The following MINAR1 variants were observed in gnomAD, a reference collection of about 807,000 sequenced individuals.
MINAR1 encodes membrane integral NOTCH2 associated receptor 1.
MINAR1 carries 40 observed loss-of-function variants against 65.1 expected under a neutral mutation model. The observed-to-expected ratio is 0.61, with a 90% CI of 0.48 to 0.80. The LOEUF is 0.80. MINAR1 is among the 30% of genes least tolerant of loss of function. The pLI is 0.00. For synonymous variants in MINAR1, 482 were observed against 449.1 expected, an observed-to-expected ratio of 1.07 and a Z score of -0.93; for missense variants, 1,128 against 1,148.0, an observed-to-expected ratio of 0.98 and a Z score of 0.25.
intron 1 of MINAR1, among the ~76,000 whole-genome samples, chr15:79,452,885 G>A (rs998140373): frequency 2.0e-5 from 3 of 151,274 alleles, no homozygotes; most frequent in African/African-American, 4.9e-5. Context: ...CTGTGTGAGT[G>A]TGTGTAGGTG....
chr15:79,462,824 G>T (rs1247344517), intron 2 of MINAR1, among the ~76,000 whole-genome samples: 7 of 152,154 alleles, frequency 4.6e-5, no homozygotes, highest in African/African-American at 9.7e-5. Context: ...ATGGCCTAAA[G>T]ATTACATTAA....
chr15:79,456,464 C>T lies in MINAR1; in HGVS notation c.317C>T (p.Pro106Leu). ...GGCGGGGCTGCCAAGGAGAAGCTGC[C>T]CACGGGCCGCCAGAAGGTACGCAAG... ...MNGGAAKEKL[P>L]TGRQKVRKKE... The change falls in exon 2 of 4, where the codon CCC becomes CTC. Residue 106 changes from proline to leucine, a missense_variant. Pro to Leu is a moderately conservative substitution (Grantham distance 98, BLOSUM62 -3). Transcript: ENST00000305428. The T allele has an allele frequency of 3.7e-6, 6 of 1,614,102 alleles. No homozygotes were observed. The highest frequency in any genetic ancestry group is 1.1e-5 in the South Asian group (1 of 91,090).
intron 3 of MINAR1, among the ~76,000 whole-genome samples, chr15:79,467,216 T>C (rs750188492): frequency 3.3e-5 from 5 of 152,238 alleles, no homozygotes; most frequent in Non-Finnish European, 7.3e-5. Flanking sequence ...TGTTTGTATA[T>C]GTGTATGAAT....
Position 79,458,192 on chromosome 15 carries a change from G to C in MINAR1, c.2045G>C (p.Cys682Ser). 1 of 1,614,126 alleles carries C rather than the reference G, an allele frequency of 6.2e-7. No homozygotes were observed. The change falls in exon 2 of 4, where the codon TGC becomes TCC. Residue 682 changes from cysteine to serine, a missense_variant. By Grantham distance (112) the Cys-to-Ser change is moderately radical (BLOSUM62 -1). Transcript: ENST00000305428. ...AAACTAGAGAACAACCCTGACTGGT[G>C]CTGCTCTGATGCTAGCGGGAGCAAC... ...GPKLENNPDW[C>S]CSDASGSNSE...
chr15:79,467,587 G>A (rs1435175262), intron 3 of MINAR1, among the ~76,000 whole-genome samples: 1 of 152,212 alleles, frequency 6.6e-6, no homozygotes, highest in African/African-American at 2.4e-5. Flanking sequence ...CAGGTCTAGG[G>A]TGGGAACAGT....
chr15:79,459,539 A>G (rs567701544), intron 2 of MINAR1, among the ~76,000 whole-genome samples: 8 of 152,148 alleles, frequency 5.3e-5, no homozygotes, highest in Non-Finnish European at 1.0e-4. Flanking sequence ...CCTGCTTCTA[A>G]AAGGTCAGTG....
chr15:79,427,631 A>G (rs1055326149), upstream of MINAR1, among the ~76,000 whole-genome samples: 5 of 152,224 alleles, frequency 3.3e-5, no homozygotes, highest in Admixed American at 1.3e-4. Context: ...AACAGATATT[A>G]TATCAAAAAG....
intron 3 of MINAR1, among the ~76,000 whole-genome samples, chr15:79,465,730 G>A (rs990047624): frequency 6.6e-6 from 1 of 152,036 alleles, no homozygotes; most frequent in Admixed American, 6.5e-5. Context: ...CCCATAGTGT[G>A]CTGAGCCTGA....
intron 1 of MINAR1, among the ~76,000 whole-genome samples, chr15:79,446,917 C>T (rs1377652344): frequency 1.3e-5 from 2 of 152,098 alleles, no homozygotes; most frequent in African/African-American, 4.8e-5. Context: ...GACAGAGTCT[C>T]ACTCTGTCAC....
At chr15:79,452,218 AGAGT>A (rs1050064939) in intron 1 of MINAR1, among the ~76,000 whole-genome samples, 8 of 150,594 alleles carry the variant, frequency 5.3e-5, no homozygotes, top group African/African-American at 9.8e-5. Context: ...TGTGTGCTTG[AGAGT>A]GTGTATGAAT....
At chr15:79,445,539 C>G (rs1894988250) in intron 1 of MINAR1, among the ~76,000 whole-genome samples, 1 of 140,210 alleles carries the variant, frequency 7.1e-6, no homozygotes, top group Non-Finnish European at 1.5e-5. Flanking sequence ...TTAAATCTTT[C>G]TGTGACAGTT....
rs11634652 is a variant in MINAR1, at chr15:79,457,105, G to A, written c.958G>A (p.Val320Ile). The A allele has an allele frequency of 1.2e-6, 2 of 1,613,934 alleles. No individual in the cohort carries two copies. Among genetic ancestry groups the A allele is most frequent in the Non-Finnish European group, 8.5e-7 (1 of 1,180,004 alleles). The part of the protein sequence containing the change: ...SQYLNPVYSP[V>I]PDKRRAKHES... ...GTACCTGAATCCAGTGTATTCCCCGGTTCCTGACAAAAGGCGAGCAAAGCA... is the reference window on the plus strand; with the variant it reads ...GTACCTGAATCCAGTGTATTCCCCGATTCCTGACAAAAGGCGAGCAAAGCA... Residue 320 changes from valine to isoleucine, a missense_variant, in exon 2 of 4, where the codon GTT (valine) becomes ATT (isoleucine). By Grantham distance (29) the Val-to-Ile change is conservative. Transcript: ENST00000305428.
In MINAR1 at chr15:79,432,436, T is replaced by C. The variant is rs557520076; in HGVS notation, c.-155T>C. ...CCGGGTGACAGTGACCAGCTGACTCTGGAGCCTACCGGAGGCGCGGCATCG... is the reference window on the plus strand; with the variant it reads ...CCGGGTGACAGTGACCAGCTGACTCCGGAGCCTACCGGAGGCGCGGCATCG... On this transcript the variant is annotated 5_prime_UTR_variant, in exon 1 of 4. Coordinates refer to ENST00000305428, the MANE Select transcript of MINAR1 (RefSeq NM_015206.3). 2.1e-4 allele frequency: 32 copies of C among 152,410 alleles called. No individual in the cohort carries two copies. The highest frequency in any genetic ancestry group is 7.5e-4 in the African/African-American group (31 of 41,568). 9.4% of individuals were successfully genotyped at this position (152,410 alleles called of 1,614,324 possible).
chr15:79,423,278 G>A, the MINAR1 span: 1 of 152,138 alleles, frequency 6.6e-6, no homozygotes, highest in African/African-American at 2.4e-5. Flanking sequence ...AAATTAACAT[G>A]TAAGATAATG....
At chr15:79,458,773 GAT>G (rs1279916640) in intron 2 of MINAR1, among the ~76,000 whole-genome samples, 2 of 152,180 alleles carry the variant, frequency 1.3e-5, no homozygotes, top group Non-Finnish European at 2.9e-5. Context: ...CATCACCAAG[GAT>G]ATCTTCCTGT....
chr15:79,452,329 G>T (rs1895236647), intron 1 of MINAR1, among the ~76,000 whole-genome samples: 1 of 151,890 alleles, frequency 6.6e-6, no homozygotes, highest in Non-Finnish European at 1.5e-5. Flanking sequence ...TGTGTGTCTG[G>T]ATGAGTGTGA....
Position 79,458,233 on chromosome 15 carries a change from G to A in MINAR1, c.2086G>A (p.Val696Ile). 5.0e-6 allele frequency: 8 copies of A among 1,614,094 alleles called. No individual in the cohort carries two copies. The highest frequency in any genetic ancestry group is 6.8e-6 in the Non-Finnish European group (8 of 1,180,034). Reference protein sequence around the residue: ...ASGSNSESLRVKALKKSLFTR... With the variant: ...ASGSNSESLRIKALKKSLFTR... ...CGGGAGCAACAGTGAAAGCCTGCGG[G>A]TCAAGGCCTTAAAAAAAAGCCTCTT... The change falls in exon 2 of 4, where the codon GTC becomes ATC. Residue 696 changes from valine (V) to isoleucine (I), a missense_variant. Coordinates refer to ENST00000305428, the MANE Select transcript of MINAR1 (RefSeq NM_015206.3).
At position 79,469,568 on chromosome 15, in the gene MINAR1, T is replaced by C. The variant is rs1309715218; in HGVS notation, c.*1184T>C. On this transcript the variant is annotated 3_prime_UTR_variant, in exon 4 of 4. Coordinates refer to ENST00000305428, the MANE Select transcript of MINAR1 (RefSeq NM_015206.3). ...ATCTATCTATCTATATGTCTATCTA[T>C]CTATCTAAATACTTGATTTTTATTT... 6.6e-6 allele frequency: 1 copy of C among 152,574 alleles called. No homozygotes were observed. Among genetic ancestry groups the C allele is most frequent in the African/African-American group, 2.4e-5 (1 of 41,474 alleles). The allele number at this position is 152,574 out of a possible 1,614,324, so 9.5% of individuals were successfully genotyped here.
chr15:79,451,377 A>T (rs1259638430), intron 1 of MINAR1, among the ~76,000 whole-genome samples: 1 of 152,180 alleles, frequency 6.6e-6, no homozygotes, highest in Non-Finnish European at 1.5e-5. Context: ...CGGAGGGAAC[A>T]GAGGAGACTC....
Sources: allele counts gnomAD v4.1 joint callset (sites outside exome capture counted in the v4.1 genomes callset), GRCh38; gene constraint gnomAD v4.1.1; transcripts MANE v1.5; gene names NCBI Gene and HGNC (gene_info 2026-07-23, HGNC 2026-07-21).